Variants in DNAH14 observed in about 807,000 individuals in gnomAD.
DNAH14 encodes the protein dynein axonemal heavy chain 14.
DNAH14 carries 478 observed loss-of-function variants against 520.9 expected under a neutral mutation model. That is an observed-to-expected ratio of 0.92 (90% confidence interval 0.85 to 0.99). DNAH14 has a LOEUF of 0.99. Among genes scored for constraint, DNAH14 ranks in the 50% least tolerant of loss-of-function variants. DNAH14 has a pLI of 0.00. For synonymous variants in DNAH14, 1,581 were observed against 1,757.2 expected (o/e 0.90, Z 2.51); for missense variants, 4,831 against 5,234.5 (o/e 0.92, Z 2.38).
chr1:225,019,341 A>G (rs2065471144), intron 10 of DNAH14, among the ~76,000 whole-genome samples: 2 of 152,332 alleles, frequency 1.3e-5, no homozygotes, highest in South Asian at 4.1e-4. Flanking sequence ...CCATTACATA[A>G]CAATATAGAG....
In DNAH14 at chr1:225,203,541, A is replaced by G. The variant is rs2087130809; in HGVS notation, c.5887-642A>G. 2.6e-5 allele frequency among the ~76,000 whole-genome samples: 4 copies of G among 152,312 alleles called. No homozygotes were observed. In the South Asian group the frequency reaches 8.3e-4, roughly 32 times the overall value. The stretch of plus-strand genomic sequence containing the variant: ...ACCAGTGCCAATAAGCTGATGATAT[A>G]TTACTCAGCTCTTTTACAGAGATGA... On this transcript the variant is annotated intron_variant, in intron 38 of 85. Transcript: ENST00000682510.
chr1:225,072,654 T>C (rs999890355), intron 17 of DNAH14, among the ~76,000 whole-genome samples: 18 of 152,246 alleles, frequency 1.2e-4, no homozygotes, highest in Admixed American at 8.5e-4. Context: ...ATTTAACTGA[T>C]GCTTTCTCAT....
chr1:225,079,548 G>T lies in DNAH14; in HGVS notation c.2766G>T (p.Lys922Asn). Residue 922 changes from lysine to asparagine, a missense_variant and splice_region_variant, in exon 18 of 86, where the codon AAG becomes AAT. Lys to Asn is a moderately conservative substitution (Grantham distance 94). Coordinates refer to ENST00000682510, the MANE Select transcript of DNAH14 (RefSeq NM_001367479.1). ...TTGATGTTGGCAATTTAAAAGCCAA[G>T]GTAAGTTTTTAGGGTTTTTTTGGAT... ...LHVDVGNLKA[K>N]IRTPLLLCAG... is the part of the protein sequence containing the mutation. The T allele has an allele frequency of 1.3e-6, 2 of 1,499,540 alleles. No homozygotes were observed. The highest frequency in any genetic ancestry group is 2.5e-5 in the East Asian group (1 of 39,582). The allele number at this position is 1,499,540 out of a possible 1,614,324, so 92.9% of individuals were successfully genotyped here.
At chr1:224,976,039 A>T (rs951609603) in intron 8 of DNAH14, among the ~76,000 whole-genome samples, 17 of 151,654 alleles carry the variant, frequency 1.1e-4, no homozygotes, top group African/African-American at 4.1e-4. Context: ...AGCGGTTTTG[A>T]GTGAGTTTCT....
chr1:224,981,578 G>A (rs944632333), intron 8 of DNAH14, among the ~76,000 whole-genome samples: 2 of 152,100 alleles, frequency 1.3e-5, no homozygotes, highest in Non-Finnish European at 2.9e-5. Flanking sequence ...ATGCGTAAAG[G>A]TATTCATAGT....
At chr1:225,159,994 G>T (rs1250740442) in intron 35 of DNAH14, among the ~76,000 whole-genome samples, 1 of 152,020 alleles carries the variant, frequency 6.6e-6, no homozygotes, top group Non-Finnish European at 1.5e-5. Context: ...ACCACACCCT[G>T]CATTCCAGTA....
intron 27 of DNAH14, among the ~76,000 whole-genome samples, chr1:225,132,822 T>G (rs76861260): frequency 6.6e-6 from 1 of 152,222 alleles, no homozygotes; most frequent in African/African-American, 2.4e-5. Context: ...TAAACTGATT[T>G]ACACTCCCAC....
At chr1:225,257,824 C>T (rs774876696) in intron 44 of DNAH14, 136 bp from the exon 45 acceptor site, 20 of 701,464 alleles carry the variant, frequency 2.9e-5, no homozygotes, top group Admixed American at 6.9e-5. Context: ...CGTGAGCCAC[C>T]GTGCCCAGCC....
At chr1:225,379,153 C>A (rs906463327) in intron 79 of DNAH14, among the ~76,000 whole-genome samples, 1 of 152,190 alleles carries the variant, frequency 6.6e-6, no homozygotes, top group Non-Finnish European at 1.5e-5. Context: ...ATTAAGAAGC[C>A]CTTCGTGTCA....
chr1:225,040,335 G>A (rs11577104), intron 12 of DNAH14, among the ~76,000 whole-genome samples: 6,533 of 152,268 alleles, frequency 0.043, 193 homozygotes, highest in Middle Eastern at 0.065. Context: ...TACACACTAT[G>A]TAGTTTGAAG....
Position 225,389,762 on chromosome 1 carries a change from C to T in DNAH14, c.13219C>T (p.Gln4407Ter), listed in dbSNP as rs540857583. The change falls in exon 83 of 86, where the codon CAG (glutamine) becomes TAG (stop). Residue 4407 changes from glutamine (Q) to a stop codon, truncating the protein, a stop_gained. Transcript: ENST00000682510. LOFTEE classifies it high-confidence loss of function. ...TATGAGATTTGTCACAGTTTGGAAG[C>T]AGTCTATTCCATCAACTAGCCAAAA... ...RYMRFVTVWK[Q>*]SIPSTSQKCK... 5.8e-6 allele frequency: 9 copies of T among 1,552,234 alleles called. No homozygotes were observed. The East Asian group carries it at 2.0e-4, about 34-fold the overall frequency.
At chr1:224,993,344 G>A (rs2063181050) in intron 8 of DNAH14, among the ~76,000 whole-genome samples, 1 of 151,888 alleles carries the variant, frequency 6.6e-6, no homozygotes, top group South Asian at 2.1e-4. Context: ...TTTTTTTGAT[G>A]GGAGATTTAG....
At chr1:224,932,747 T>C (rs1478463432) in intron 1 of DNAH14, among the ~76,000 whole-genome samples, 1 of 152,172 alleles carries the variant, frequency 6.6e-6, no homozygotes, top group Non-Finnish European at 1.5e-5. Context: ...TATAAATATG[T>C]GGCTTTAATT....
chr1:225,374,664 T>C (rs2150694928), intron 77 of DNAH14, 24 bp from the exon 78 acceptor site: 1 of 1,522,436 alleles, frequency 6.6e-7, no homozygotes, highest in South Asian at 1.3e-5. Flanking sequence ...ACTGAAATAA[T>C]AAAGACTCAT....
intron 9 of DNAH14, among the ~76,000 whole-genome samples, chr1:225,006,397 AAC>A (rs1295586338): frequency 6.6e-6 from 1 of 152,210 alleles, no homozygotes; most frequent in African/African-American, 2.4e-5. Flanking sequence ...GGCCGGGCAG[AAC>A]AGAGTCATAT....
intron 26 of DNAH14, among the ~76,000 whole-genome samples, chr1:225,121,979 A>G (rs1467748012): frequency 3.3e-5 from 5 of 152,088 alleles, no homozygotes; most frequent in Non-Finnish European, 7.4e-5. Flanking sequence ...GAAAACATCA[A>G]TAGAAGATTT....
At chr1:225,251,661 A>C (rs781429114) in intron 43 of DNAH14, among the ~76,000 whole-genome samples, 1 of 152,210 alleles carries the variant, frequency 6.6e-6, no homozygotes, top group Non-Finnish European at 1.5e-5. Flanking sequence ...GATTCAAAGA[A>C]TATATATAAA....
intron 23 of DNAH14, among the ~76,000 whole-genome samples, chr1:225,110,000 T>C (rs2076365511): frequency 6.6e-6 from 1 of 152,220 alleles, no homozygotes; most frequent in Non-Finnish European, 1.5e-5. Context: ...TATTTGCATA[T>C]TTTGAACCAT....
At chr1:225,330,810 T>C (rs2094779898) in intron 64 of DNAH14, among the ~76,000 whole-genome samples, 1 of 152,180 alleles carries the variant, frequency 6.6e-6, no homozygotes, top group South Asian at 2.1e-4. Flanking sequence ...TATAATTTGA[T>C]TGTTTGTAAC....
Sources: gnomAD v4.1 joint callset for allele counts (sites outside exome capture counted in the v4.1 genomes callset) on GRCh38, gnomAD v4.1.1 for gene constraint, MANE v1.5 for transcripts, NCBI Gene and HGNC (gene_info 2026-07-23, HGNC 2026-07-21) for gene names.